Variants in WWOX observed in about 807,000 individuals in gnomAD.
The protein encoded by WWOX is WW domain containing oxidoreductase.
In WWOX, 69 loss-of-function variants were observed where a neutral mutation model predicts 46.2. The ratio of observed to expected loss-of-function variants is 1.49; its 90% CI spans 1.23 to 1.82. WWOX has a LOEUF of 1.82. Among genes scored for constraint, WWOX ranks in the 40% most tolerant of loss-of-function variants. WWOX has a pLI of 0.00. For synonymous variants in WWOX, 359 were observed against 202.6 expected, an observed-to-expected ratio of 1.77 and a Z score of -6.56; for missense variants, 919 against 542.6, an observed-to-expected ratio of 1.69 and a Z score of -6.89.
intron 4 of WWOX, among the ~76,000 whole-genome samples, chr16:78,147,700 A>ATTTT (rs1567598463): frequency 4.5e-5 from 5 of 109,970 alleles, no homozygotes; most frequent in African/African-American, 1.3e-4. Flanking sequence ...TTTTTTTAAA[A>ATTTT]AAAAAAAAGG....
chr16:78,404,268 G>A (rs1306529019), intron 6 of WWOX, among the ~76,000 whole-genome samples: 1 of 152,148 alleles, frequency 6.6e-6, no homozygotes, highest in African/African-American at 2.4e-5. Flanking sequence ...GATTTCACCA[G>A]TGGTATCTTA....
At chr16:78,403,308 T>G (rs1279218237) in intron 6 of WWOX, among the ~76,000 whole-genome samples, 2 of 152,196 alleles carry the variant, frequency 1.3e-5, no homozygotes, top group African/African-American at 2.4e-5. Flanking sequence ...AAATAAACTC[T>G]CTTTGCATGA....
chr16:79,152,434 C>A (rs1008855488), intron 8 of WWOX, among the ~76,000 whole-genome samples: 42 of 152,022 alleles, frequency 2.8e-4, no homozygotes, highest in African/African-American at 8.9e-4. Flanking sequence ...CACTTTGGGA[C>A]GATGAGGCGG....
intron 8 of WWOX, among the ~76,000 whole-genome samples, chr16:79,108,252 A>G (rs970285070): frequency 2.6e-5 from 4 of 152,254 alleles, no homozygotes; most frequent in South Asian, 4.1e-4. Flanking sequence ...AAGCAAGACT[A>G]TATCCTCTGC....
intron 8 of WWOX, among the ~76,000 whole-genome samples, chr16:79,145,016 G>C (rs770727577): frequency 6.6e-6 from 1 of 152,162 alleles, no homozygotes; most frequent in Non-Finnish European, 1.5e-5. Context: ...CCCCTGTGCA[G>C]AAGCGGAGGC....
chr16:78,932,204 T>G (rs146470829), intron 8 of WWOX, among the ~76,000 whole-genome samples: 2 of 152,172 alleles, frequency 1.3e-5, no homozygotes, highest in East Asian at 3.9e-4. Flanking sequence ...CATGGAGGGG[T>G]AGCTCTTTTT....
chr16:78,634,349 C>G (rs188618270), intron 8 of WWOX, among the ~76,000 whole-genome samples: 1 of 152,148 alleles, frequency 6.6e-6, no homozygotes, highest in Non-Finnish European at 1.5e-5. Flanking sequence ...TTATCTCTTT[C>G]ACTTATTCCC....
intron 5 of WWOX, among the ~76,000 whole-genome samples, chr16:78,239,999 T>A (rs76654022): frequency 1.7e-3 from 32 of 19,266 alleles, no homozygotes; most frequent in African/African-American, 7.7e-3. Flanking sequence ...TCAGTGTGGG[T>A]GTGAGTTGCA....
At chr16:78,911,216 T>G (rs1333228135) in intron 8 of WWOX, among the ~76,000 whole-genome samples, 1 of 151,982 alleles carries the variant, frequency 6.6e-6, no homozygotes, top group African/African-American at 2.4e-5. Context: ...GATCTTTGAT[T>G]TAATATTTCC....
intron 8 of WWOX, among the ~76,000 whole-genome samples, chr16:78,881,534 C>G (rs113563589): frequency 9.1e-4 from 138 of 152,262 alleles, no homozygotes; most frequent in African/African-American, 3.2e-3. Flanking sequence ...TTGCCAGGAT[C>G]CTTGCTGGAA....
intron 8 of WWOX, among the ~76,000 whole-genome samples, chr16:79,128,618 G>T (rs1209398064): frequency 6.6e-6 from 1 of 152,162 alleles, no homozygotes; most frequent in Non-Finnish European, 1.5e-5. Context: ...TGGCACAGAA[G>T]GGTCTGGGCA....
intron 6 of WWOX, among the ~76,000 whole-genome samples, chr16:78,387,407 G>T (rs770479732): frequency 9.2e-5 from 14 of 152,110 alleles, no homozygotes; most frequent in Non-Finnish European, 1.5e-4. Flanking sequence ...GTGGTACATG[G>T]ATGTGGTTCC....
At chr16:78,895,924 C>G (rs2044691239) in intron 8 of WWOX, 1 of 152,148 alleles carries the variant, frequency 6.6e-6, no homozygotes, top group African/African-American at 2.4e-5. Context: ...CTTTGGAAAA[C>G]AATCTCATGA....
chr16:78,282,030 G>T (rs562406498), intron 5 of WWOX, among the ~76,000 whole-genome samples: 1 of 152,100 alleles, frequency 6.6e-6, no homozygotes, highest in Non-Finnish European at 1.5e-5. Flanking sequence ...ACTACCCTTG[G>T]CCCAAAAGCC....
At chr16:79,105,660 G>GT (rs1221027113) in intron 8 of WWOX, among the ~76,000 whole-genome samples, 1,393 of 138,818 alleles carry the variant, frequency 0.01, 16 homozygotes, top group African/African-American at 0.027. Flanking sequence ...ATGTCTTTTT[G>GT]TTTTTTTTTT....
At chr16:78,434,417 T>C (rs1450503045) in intron 8 of WWOX, among the ~76,000 whole-genome samples, 1 of 152,220 alleles carries the variant, frequency 6.6e-6, no homozygotes, top group Non-Finnish European at 1.5e-5. Context: ...TGACCATGGT[T>C]ATGCCTCATA....
At chr16:78,573,007 G>A (rs1005252745) in intron 8 of WWOX, among the ~76,000 whole-genome samples, 4 of 152,134 alleles carry the variant, frequency 2.6e-5, no homozygotes, top group African/African-American at 4.8e-5. Flanking sequence ...AAAAATTATA[G>A]CCGGGCACGG....
At chr16:78,946,701 T>C (rs758489527) in intron 8 of WWOX, among the ~76,000 whole-genome samples, 1 of 152,042 alleles carries the variant, frequency 6.6e-6, no homozygotes, top group Non-Finnish European at 1.5e-5. Context: ...AACTGTGTGG[T>C]GCGTCTGTTT....
At chr16:78,390,742 C>T (rs919077045) in intron 6 of WWOX, among the ~76,000 whole-genome samples, 1 of 152,174 alleles carries the variant, frequency 6.6e-6, no homozygotes, top group African/African-American at 2.4e-5. Context: ...ACATGTAACT[C>T]TATTCTTATC....
Sources: allele counts gnomAD v4.1 joint callset (sites outside exome capture counted in the v4.1 genomes callset), GRCh38; gene constraint gnomAD v4.1.1; transcripts MANE v1.5; gene names NCBI Gene and HGNC (gene_info 2026-07-23, HGNC 2026-07-21).